Variants in ZNF131 observed in about 807,000 individuals in gnomAD.
ZNF131 encodes zinc finger protein 131.
A neutral mutation model predicts 60.0 loss-of-function variants in ZNF131; 7 were observed. The observed-to-expected ratio is 0.12, with a 90% CI of 0.07 to 0.22. ZNF131 has a LOEUF of 0.22. ZNF131 is among the 10% of genes least tolerant of loss of function. The pLI is 1.00. For synonymous variants in ZNF131, 257 were observed against 253.2 expected (o/e 1.01, Z -0.14); for missense variants, 493 against 740.9 (o/e 0.67, Z 3.88).
chr5:43,171,422 G>T (rs924459061), intron 5 of ZNF131, among the ~76,000 whole-genome samples: 1 of 152,016 alleles, frequency 6.6e-6, no homozygotes, highest in Admixed American at 6.6e-5. Context: ...CTGGCTTAAA[G>T]AATCCTGTTA....
intron 4 of ZNF131, among the ~76,000 whole-genome samples, chr5:43,157,900 C>T (rs1317221753): frequency 6.6e-6 from 1 of 152,246 alleles, no homozygotes; most frequent in East Asian, 1.9e-4. Context: ...TGGCTTTCTC[C>T]TGTGTCCAGG....
Position 43,173,055 on chromosome 5 carries a change from G to A in ZNF131, c.1055-263G>A, listed in dbSNP as rs10043820. On this transcript the variant is annotated intron_variant, in intron 5 of 6. Transcript: ENST00000682664. ...AGGGAAAATAATTTTTTTAAGAAGT[G>A]TAAAGACATGGAACAGAATTTAGAT... 2,033 of 255,408 alleles carry A rather than the reference G, an allele frequency of 8.0e-3. 38 individuals are homozygous for A. The highest frequency in any genetic ancestry group is 0.042 in the African/African-American group (1,902 of 45,250). The allele number at this position is 255,408 out of a possible 1,614,324, so 15.8% of individuals were successfully genotyped here.
chr5:43,154,691 G>A (rs891715677), intron 4 of ZNF131, among the ~76,000 whole-genome samples: 2 of 152,180 alleles, frequency 1.3e-5, no homozygotes, highest in Non-Finnish European at 2.9e-5. Flanking sequence ...AATAATGTTG[G>A]CTGTAGGCTT....
At position 43,174,606 on chromosome 5, in the gene ZNF131, C is replaced by G. The variant is rs777704371; in HGVS notation, c.1345C>G (p.Leu449Val). ...LSDAHNISERLVTEEVLSVET... is the reference protein window; with the variant it reads ...LSDAHNISERVVTEEVLSVET... ...TGATGCTCACAATATTTCAGAGCGTCTAGTAACGGAAGAAGTTCTTTCAGT... is the reference window on the plus strand; with the variant it reads ...TGATGCTCACAATATTTCAGAGCGTGTAGTAACGGAAGAAGTTCTTTCAGT... The change falls in exon 7 of 7, where the codon CTA becomes GTA. Residue 449 changes from leucine to valine, a missense_variant. By Grantham distance (32) the Leu-to-Val change is conservative (BLOSUM62 1). This residue lies in a region of ZNF131 where 202 missense variants were observed against 221.3 expected (regional missense o/e 0.91). Coordinates refer to ENST00000682664, the MANE Select transcript of ZNF131 (RefSeq NM_001330707.2). 1.9e-6 allele frequency: 3 copies of G among 1,613,770 alleles called. No homozygotes were observed. Among genetic ancestry groups the G allele is most frequent in the African/African-American group, 2.7e-5 (2 of 74,936 alleles).
chr5:43,169,423 A>G (rs997279814), intron 5 of ZNF131, among the ~76,000 whole-genome samples: 4 of 152,342 alleles, frequency 2.6e-5, no homozygotes, highest in South Asian at 2.1e-4. Flanking sequence ...TGAAGTAACT[A>G]CTGCTATCCT....
chr5:43,126,441 C>T lies in ZNF131; in HGVS notation c.226+3131C>T, dbSNP rs77158083. ...GCAGTTCTCAGCGCCTTTCCTCTGC[C>T]GCCTTGGGTCAGTTCACACATGGGC... On this transcript the variant is annotated intron_variant, in intron 3 of 6. Transcript: ENST00000682664. Among the ~76,000 whole-genome samples, 55 of 152,220 alleles carry T rather than the reference C, an allele frequency of 3.6e-4. No homozygotes were observed. In the East Asian group the frequency reaches 9.7e-3, roughly 27 times the overall value.
intron 3 of ZNF131, among the ~76,000 whole-genome samples, chr5:43,125,463 G>A (rs1744414908): frequency 6.6e-6 from 1 of 151,272 alleles, no homozygotes; most frequent in Admixed American, 6.6e-5. Flanking sequence ...GGCCAAGTCT[G>A]AGCAGAATTT....
chr5:43,169,526 G>A (rs972797789), intron 5 of ZNF131, among the ~76,000 whole-genome samples: 3 of 152,214 alleles, frequency 2.0e-5, no homozygotes, highest in Admixed American at 6.5e-5. Flanking sequence ...GCATGCGGTA[G>A]TACGGCATTA....
chr5:43,146,861 A>G (rs1747648982), intron 4 of ZNF131, among the ~76,000 whole-genome samples: 1 of 152,102 alleles, frequency 6.6e-6, no homozygotes, highest in Non-Finnish European at 1.5e-5. Context: ...AGCCGAGATC[A>G]CGCCATTGCA....
At chr5:43,162,969 C>CCTTTTTTT (rs1307807115) in intron 5 of ZNF131, among the ~76,000 whole-genome samples, 4 of 64,904 alleles carry the variant, frequency 6.2e-5, no homozygotes, top group African/African-American at 2.0e-4. Flanking sequence ...TTTTATTTGC[C>CCTTTTTTT]TTTTTTTTTT....
chr5:43,174,425 A>G, intron 6 of ZNF131, 22 bp from the exon 7 acceptor site: 1 of 1,510,426 alleles, frequency 6.6e-7, no homozygotes, highest in Non-Finnish European at 8.8e-7. Flanking sequence ...TATTGTCTAC[A>G]TCATATTTTT....
intron 4 of ZNF131, among the ~76,000 whole-genome samples, chr5:43,144,159 T>G (rs1392652074): frequency 3.3e-5 from 5 of 150,406 alleles, no homozygotes; most frequent in Admixed American, 3.3e-4. Flanking sequence ...CCTGACCTCG[T>G]GATCCACTTG....
chr5:43,138,434 C>A (rs9292866), intron 3 of ZNF131, among the ~76,000 whole-genome samples: 9,525 of 152,122 alleles, frequency 0.063, 609 homozygotes, highest in African/African-American at 0.17. Flanking sequence ...GGGCAGATCA[C>A]TTGAGGTCGG....
At chr5:43,144,932 T>A (rs1326122021) in intron 4 of ZNF131, among the ~76,000 whole-genome samples, 4 of 151,836 alleles carry the variant, frequency 2.6e-5, no homozygotes, top group Non-Finnish European at 4.4e-5. Flanking sequence ...TCTGAAGCTT[T>A]TCCTTACTGA....
chr5:43,144,961 G>A (rs980538329), intron 4 of ZNF131, among the ~76,000 whole-genome samples: 1 of 151,536 alleles, frequency 6.6e-6, no homozygotes, highest in Non-Finnish European at 1.5e-5. Flanking sequence ...GATTGACTTA[G>A]GCACTTCTAT....
Position 43,161,504 on chromosome 5 carries a change from T to C in ZNF131, c.627T>C (p.Ser209=). The stretch of plus-strand genomic sequence containing the variant: ...AGAGCACAGGTTCCTCTGATGATTC[T>C]GCTCTAGCACTGTTGGCAGATATTA... The part of the protein sequence containing the change: ...YIQSTGSSDD[S]ALALLADITS... The change falls in exon 5 of 7, where the codon TCT becomes TCC. Residue 209 remains serine, a synonymous_variant. Transcript: ENST00000682664. The C allele has an allele frequency of 6.2e-7, 1 of 1,614,260 alleles. No individual in the cohort carries two copies. The highest frequency in any genetic ancestry group is 8.5e-7 in the Non-Finnish European group (1 of 1,180,056).
At chr5:43,169,723 T>C (rs1004442988) in intron 5 of ZNF131, among the ~76,000 whole-genome samples, 1 of 152,184 alleles carries the variant, frequency 6.6e-6, no homozygotes, top group Non-Finnish European at 1.5e-5. Context: ...CTTGTACATA[T>C]GCCTTTTCAT....
At chr5:43,127,140 A>G (rs1335197360) in intron 3 of ZNF131, among the ~76,000 whole-genome samples, 1 of 152,134 alleles carries the variant, frequency 6.6e-6, no homozygotes, top group Non-Finnish European at 1.5e-5. Flanking sequence ...AATGGACAAG[A>G]TAGGGTGGAG....
intron 4 of ZNF131, among the ~76,000 whole-genome samples, chr5:43,142,872 T>C (rs1213052302): frequency 6.6e-6 from 1 of 151,834 alleles, no homozygotes; most frequent in African/African-American, 2.4e-5. Context: ...TTGTATTTCT[T>C]TGTAGAGACA....
Sources: allele counts gnomAD v4.1 joint callset (sites outside exome capture counted in the v4.1 genomes callset), GRCh38; gene constraint gnomAD v4.1.1; regional missense constraint gnomAD v4.1.1; transcripts MANE v1.5; gene names NCBI Gene and HGNC (gene_info 2026-07-23, HGNC 2026-07-21).